The following NUMB variants were observed in gnomAD, a reference collection of about 807,000 sequenced individuals.
NUMB encodes NUMB endocytic adaptor protein.
Under a neutral mutation model 59.7 loss-of-function variants are expected in NUMB, and 29 were observed. The observed-to-expected ratio is 0.49, with a 90% CI of 0.36 to 0.66. NUMB has a LOEUF of 0.66. NUMB is among the 30% of genes least tolerant of loss of function. NUMB has a pLI of 0.00. For synonymous variants in NUMB, 288 were observed against 288.2 expected, an observed-to-expected ratio of 1.00 and a Z score of 0.01; for missense variants, 723 against 822.0, an observed-to-expected ratio of 0.88 and a Z score of 1.47.
At chr14:73,347,996 G>A (rs1161638881) in intron 4 of NUMB, among the ~76,000 whole-genome samples, 2 of 152,156 alleles carry the variant, frequency 1.3e-5, no homozygotes, top group Non-Finnish European at 2.9e-5. Flanking sequence ...GCATGTGCAT[G>A]TCCCATAGCA....
chr14:73,446,593 C>T (rs1224340325), intron 1 of NUMB, among the ~76,000 whole-genome samples: 2 of 144,768 alleles, frequency 1.4e-5, no homozygotes, highest in African/African-American at 5.2e-5. Context: ...CGACAGAGTG[C>T]GACTTTGTCT....
At chr14:73,280,878 G>C (rs897341708) in intron 11 of NUMB, among the ~76,000 whole-genome samples, 3 of 151,762 alleles carry the variant, frequency 2.0e-5, no homozygotes, top group African/African-American at 7.3e-5. Flanking sequence ...ATTTTTAGTA[G>C]AGACGAGGTT....
intron 2 of NUMB, among the ~76,000 whole-genome samples, chr14:73,373,396 A>G (rs740414): frequency 0.028 from 4,192 of 152,256 alleles, 84 homozygotes; most frequent in Middle Eastern, 0.078. Context: ...TACTAGTATA[A>G]TATATTGGGC....
intron 2 of NUMB, among the ~76,000 whole-genome samples, chr14:73,389,762 A>G (rs1895753552): frequency 6.6e-6 from 1 of 152,230 alleles, no homozygotes; most frequent in Non-Finnish European, 1.5e-5. Context: ...ATATAATTCA[A>G]TAGTCACTGT....
rs1016939434 is a variant in NUMB at position 73,287,418 on chromosome 14, A to G, written c.451-104T>C. 5.7e-6 allele frequency: 6 copies of G among 1,051,754 alleles called. No individual in the cohort carries two copies. In the African/African-American group the frequency reaches 9.6e-5, roughly 17 times the overall value. The allele number at this position is 1,051,754 out of a possible 1,614,324, so 65.2% of individuals were successfully genotyped here. ...GTTTTTGAGACAGAGTCTTACTGTT[A>G]CCCAGGCTGGAGTGCAGTGGCGCAG... On this transcript the variant is annotated intron_variant, in intron 8 of 12. Transcript: ENST00000555238.
chr14:73,360,274 G>A (rs1375394002), intron 3 of NUMB, among the ~76,000 whole-genome samples: 2 of 151,878 alleles, frequency 1.3e-5, no homozygotes, highest in Non-Finnish European at 1.5e-5. Flanking sequence ...GTATGGCCCC[G>A]GCTGGGCACG....
At chr14:73,391,761 G>A (rs2140099736) in intron 2 of NUMB, among the ~76,000 whole-genome samples, 1 of 152,308 alleles carries the variant, frequency 6.6e-6, no homozygotes, top group African/African-American at 2.4e-5. Flanking sequence ...GCAATCAAGT[G>A]ATACCAACAG....
intron 5 of NUMB, among the ~76,000 whole-genome samples, chr14:73,319,171 G>C (rs957870561): frequency 6.6e-6 from 1 of 152,192 alleles, no homozygotes; most frequent in African/African-American, 2.4e-5. Flanking sequence ...GCTGAGGCAG[G>C]AGAATCGCGT....
At chr14:73,434,203 G>A (rs985073373) in intron 1 of NUMB, among the ~76,000 whole-genome samples, 3 of 152,182 alleles carry the variant, frequency 2.0e-5, no homozygotes, top group African/African-American at 7.2e-5. Flanking sequence ...AGCACTGAAA[G>A]TTAAGAGTAT....
intron 2 of NUMB, among the ~76,000 whole-genome samples, chr14:73,406,278 T>C (rs980234259): frequency 4.9e-5 from 6 of 123,662 alleles, no homozygotes; most frequent in Non-Finnish European, 8.0e-5. Flanking sequence ...CGGTGTGTGA[T>C]GTTCCCCTTC....
intron 6 of NUMB, among the ~76,000 whole-genome samples, chr14:73,313,865 T>C (rs566873678): frequency 6.6e-6 from 1 of 151,390 alleles, no homozygotes; most frequent in South Asian, 2.1e-4. Context: ...TGGAGTGCAA[T>C]GGCATTATCT....
chr14:73,438,439 T>A (rs1224728784), intron 1 of NUMB, among the ~76,000 whole-genome samples: 1 of 152,046 alleles, frequency 6.6e-6, no homozygotes, highest in African/African-American at 2.4e-5. Context: ...AAGACCAGCC[T>A]GGCTAAAATG....
chr14:73,397,374 G>C (rs886318370), intron 2 of NUMB, among the ~76,000 whole-genome samples: 1 of 152,116 alleles, frequency 6.6e-6, no homozygotes, highest in Non-Finnish European at 1.5e-5. Context: ...GTGGTGTACT[G>C]ATAAGCCAGC....
chr14:73,443,779 T>A (rs1226185624), intron 1 of NUMB, among the ~76,000 whole-genome samples: 5 of 151,790 alleles, frequency 3.3e-5, no homozygotes, highest in Non-Finnish European at 7.4e-5. Flanking sequence ...GCCTCCCGAG[T>A]GGCTGGGATT....
chr14:73,330,110 T>G (rs1891880940), intron 4 of NUMB, among the ~76,000 whole-genome samples: 1 of 152,120 alleles, frequency 6.6e-6, no homozygotes, highest in South Asian at 2.1e-4. Flanking sequence ...CCAAACATAG[T>G]TAACTGCAGC....
At chr14:73,352,471 CACACACATAT>C (rs1893389478) in intron 4 of NUMB, among the ~76,000 whole-genome samples, 2 of 21,026 alleles carry the variant, frequency 9.5e-5, no homozygotes, top group African/African-American at 1.7e-4. Context: ...CACACACACA[CACACACATAT>C]ATATATATAT....
At chr14:73,389,228 G>T (rs558809238) in intron 2 of NUMB, among the ~76,000 whole-genome samples, 1 of 127,840 alleles carries the variant, frequency 7.8e-6, no homozygotes, top group African/African-American at 2.9e-5. Context: ...CCAAGATTGC[G>T]CCACTGAACT....
chr14:73,440,500 C>A (rs1324270287), intron 1 of NUMB, among the ~76,000 whole-genome samples: 1 of 151,666 alleles, frequency 6.6e-6, no homozygotes, highest in Non-Finnish European at 1.5e-5. Flanking sequence ...ATATTCACAA[C>A]CTTGGATTGG....
intron 2 of NUMB, among the ~76,000 whole-genome samples, chr14:73,402,620 A>G (rs951333724): frequency 6.6e-6 from 1 of 152,162 alleles, no homozygotes; most frequent in African/African-American, 2.4e-5. Flanking sequence ...AGCACCTCCA[A>G]TGTATTAGGC....
Sources: allele counts gnomAD v4.1 joint callset (sites outside exome capture counted in the v4.1 genomes callset), GRCh38; gene constraint gnomAD v4.1.1; transcripts MANE v1.5; gene names NCBI Gene and HGNC (gene_info 2026-07-23, HGNC 2026-07-21).